The following MAN1A2 variants were observed in gnomAD, a reference collection of about 807,000 sequenced individuals.
The protein encoded by MAN1A2 is mannosidase alpha class 1A member 2.
Under a neutral mutation model 75.7 loss-of-function variants are expected in MAN1A2, and 26 were observed. The observed-to-expected ratio is 0.34, with a 90% CI of 0.25 to 0.48. MAN1A2 has a LOEUF of 0.48. Ranked by LOEUF, MAN1A2 falls within the 20% of genes least tolerant of loss-of-function variation. The probability of loss-of-function intolerance (pLI) is 0.99; values close to 1 mark genes in which losing one functional copy is unlikely to be tolerated. For missense variants in MAN1A2, 562 were observed against 775.5 expected (o/e 0.72, Z 3.27); for synonymous variants, 247 against 264.6 (o/e 0.93, Z 0.65).
At chr1:117,411,307 C>T (rs1290244147) in intron 3 of MAN1A2, among the ~76,000 whole-genome samples, 2 of 151,742 alleles carry the variant, frequency 1.3e-5, no homozygotes, top group African/African-American at 2.4e-5. Context: ...TGATTTTCAA[C>T]AAAGATGCTG....
At chr1:117,370,737 T>TTG (rs1557921922) in intron 1 of MAN1A2, among the ~76,000 whole-genome samples, 4 of 43,882 alleles carry the variant, frequency 9.1e-5, no homozygotes, top group Non-Finnish European at 9.0e-5. Flanking sequence ...TATCTTCATT[T>TTG]AGTGTGTGTG....
In MAN1A2 at chr1:117,466,543, G is replaced by T. The variant is rs1649989633; in HGVS notation, c.1168+116G>T. 2.0e-5 allele frequency: 12 copies of T among 597,772 alleles called. No homozygotes were observed. The East Asian group carries it at 3.8e-4, about 19-fold the overall frequency. 37.0% of individuals were successfully genotyped at this position (597,772 alleles called of 1,614,324 possible). A position where few individuals can be genotyped will look rare whatever the true frequency, so the allele number is the denominator to read the frequency against. On this transcript the variant is annotated intron_variant, in intron 8 of 12. Transcript: ENST00000356554. ...TTAGAAACCCTCAGTGTCTAACCTT[G>T]TGGTCTGCTGGTGCTGTTCTTAGGC...
chr1:117,453,427 G>A (rs1649484211), intron 6 of MAN1A2, among the ~76,000 whole-genome samples: 1 of 152,188 alleles, frequency 6.6e-6, no homozygotes, highest in East Asian at 1.9e-4. Flanking sequence ...TCAAACAGGA[G>A]TTTGGAAGAA....
intron 6 of MAN1A2, among the ~76,000 whole-genome samples, chr1:117,460,218 G>T (rs890829489): frequency 6.6e-6 from 1 of 152,112 alleles, no homozygotes; most frequent in Admixed American, 6.5e-5. Flanking sequence ...TGTAAGAAAC[G>T]AATGAAAGTG....
chr1:117,382,245 G>A (rs1389624511), intron 1 of MAN1A2, among the ~76,000 whole-genome samples: 1 of 152,182 alleles, frequency 6.6e-6, no homozygotes, highest in Non-Finnish European at 1.5e-5. Context: ...TTTTAGACAT[G>A]AAGTCCTTGC....
intron 8 of MAN1A2, among the ~76,000 whole-genome samples, chr1:117,468,263 G>C (rs943713140): frequency 6.6e-6 from 1 of 152,060 alleles, no homozygotes; most frequent in South Asian, 2.1e-4. Flanking sequence ...GATCTTGTGA[G>C]AACTCACTCA....
At chr1:117,481,118 G>A (rs1650482883) in intron 8 of MAN1A2, among the ~76,000 whole-genome samples, 1 of 151,810 alleles carries the variant, frequency 6.6e-6, no homozygotes, top group African/African-American at 2.4e-5. Context: ...CCATTGACCT[G>A]TGCTCTGTCT....
chr1:117,485,947 T>C (rs1263831457), intron 8 of MAN1A2, among the ~76,000 whole-genome samples: 2 of 151,918 alleles, frequency 1.3e-5, no homozygotes, highest in African/African-American at 2.4e-5. Context: ...ACTCAGGGGA[T>C]AGAATTAGTG....
intron 8 of MAN1A2, among the ~76,000 whole-genome samples, chr1:117,488,695 C>A (rs1162935775): frequency 6.6e-6 from 1 of 151,944 alleles, no homozygotes; most frequent in African/African-American, 2.4e-5. Context: ...CAAAATTATA[C>A]ACTTAGCATT....
At chr1:117,402,043 C>G (rs1318829975) in intron 1 of MAN1A2, 143 bp from the exon 2 acceptor site, 1 of 723,696 alleles carries the variant, frequency 1.4e-6, no homozygotes, top group Non-Finnish European at 2.2e-6. Context: ...CTGAATGTGT[C>G]TCACTGATAA....
At chr1:117,378,210 A>G (rs1326717466) in intron 1 of MAN1A2, among the ~76,000 whole-genome samples, 1 of 152,216 alleles carries the variant, frequency 6.6e-6, no homozygotes, top group South Asian at 2.1e-4. Context: ...AGCTTTGTCA[A>G]ATCCTAACAT....
At chr1:117,481,816 G>A (rs1419666529) in intron 8 of MAN1A2, among the ~76,000 whole-genome samples, 1 of 151,988 alleles carries the variant, frequency 6.6e-6, no homozygotes, top group Non-Finnish European at 1.5e-5. Flanking sequence ...ACCAGATTCA[G>A]TTAAACAAAG....
At chr1:117,398,310 G>A (rs1164373771) in intron 1 of MAN1A2, among the ~76,000 whole-genome samples, 1 of 152,184 alleles carries the variant, frequency 6.6e-6, no homozygotes, top group African/African-American at 2.4e-5. Flanking sequence ...GAAATTGTAA[G>A]AGTGTTTTAA....
chr1:117,417,534 A>AATATATATATATATATATATACAT (rs1553232785), intron 4 of MAN1A2, among the ~76,000 whole-genome samples: 5 of 89,218 alleles, frequency 5.6e-5, no homozygotes. Context: ...CTTGAGTTTA[A>AATATATATATATATATATATACAT]ATATATATAT....
chr1:117,399,608 G>A (rs1647341518), intron 1 of MAN1A2, among the ~76,000 whole-genome samples: 1 of 152,144 alleles, frequency 6.6e-6, no homozygotes, highest in Non-Finnish European at 1.5e-5. Context: ...GGACAATTGA[G>A]GGCCGTGGTG....
At chr1:117,506,514 T>C (rs947597580) in intron 12 of MAN1A2, among the ~76,000 whole-genome samples, 7 of 151,558 alleles carry the variant, frequency 4.6e-5, no homozygotes. Flanking sequence ...ACTGATGGCA[T>C]AACAAAAACT....
At chr1:117,401,786 TC>T (rs1224606317) in intron 1 of MAN1A2, among the ~76,000 whole-genome samples, 1 of 152,152 alleles carries the variant, frequency 6.6e-6, no homozygotes, top group Non-Finnish European at 1.5e-5. Context: ...ATGAAAAACT[TC>T]CTGTTCTCTT....
chr1:117,400,205 C>G (rs950917451), intron 1 of MAN1A2, among the ~76,000 whole-genome samples: 1 of 151,950 alleles, frequency 6.6e-6, no homozygotes, highest in Non-Finnish European at 1.5e-5. Context: ...CTGTAGGGCC[C>G]GTGGATTCTT....
At chr1:117,425,249 C>A (rs1648327598) in intron 5 of MAN1A2, among the ~76,000 whole-genome samples, 1 of 152,084 alleles carries the variant, frequency 6.6e-6, no homozygotes, top group Admixed American at 6.5e-5. Context: ...ACAAAACTCC[C>A]AACCCAAGTT....
Sources: allele counts gnomAD v4.1 joint callset (sites outside exome capture counted in the v4.1 genomes callset), GRCh38; gene constraint gnomAD v4.1.1; transcripts MANE v1.5; gene names NCBI Gene and HGNC (gene_info 2026-07-23, HGNC 2026-07-21).